The following IL1RAPL1 variants were observed in gnomAD, a reference collection of about 807,000 sequenced individuals.
The protein encoded by IL1RAPL1 is interleukin-1 receptor accessory protein-like 1.
A neutral mutation model predicts 48.4 loss-of-function variants in IL1RAPL1; 3 were observed. That is an observed-to-expected ratio of 0.06 (90% CI 0.03 to 0.16). The LOEUF (loss-of-function observed/expected upper bound fraction) is 0.16. IL1RAPL1 is among the 10% of genes least tolerant of loss of function. The pLI, the probability that IL1RAPL1 is intolerant of heterozygous loss-of-function variation, is 1.00. For missense variants in IL1RAPL1, 349 were observed against 530.6 expected, an observed-to-expected ratio of 0.66 and a Z score of 3.36; for synonymous variants, 185 against 187.7, an observed-to-expected ratio of 0.99 and a Z score of 0.12.
At chrX:29,603,878 T>C (rs1923804241) in intron 5 of IL1RAPL1, among the ~76,000 whole-genome samples, 1 of 112,603 alleles carries the variant, frequency 8.9e-6, no homozygotes, top group East Asian at 2.7e-4. Context: ...TGATTTAATA[T>C]ATTCTAGGAA....
At chrX:29,149,376 A>G (rs1054934689) in intron 2 of IL1RAPL1, among the ~76,000 whole-genome samples, 3 of 111,388 alleles carry the variant, frequency 2.7e-5, no homozygotes, top group Admixed American at 1.9e-4. Flanking sequence ...TCAGGTGTCC[A>G]ATGACCTACC....
At chrX:28,886,906 C>G (rs761115518) in intron 2 of IL1RAPL1, among the ~76,000 whole-genome samples, 4 of 111,403 alleles carry the variant, frequency 3.6e-5, no homozygotes, top group Admixed American at 1.9e-4. Context: ...AATAACAAAG[C>G]TCATGGGACA....
At chrX:29,020,499 A>G (rs1226970238) in intron 2 of IL1RAPL1, among the ~76,000 whole-genome samples, 1 of 112,524 alleles carries the variant, frequency 8.9e-6, no homozygotes, top group Non-Finnish European at 1.9e-5. Flanking sequence ...GTAGTAGGCT[A>G]TGCCCTGTCG....
intron 2 of IL1RAPL1, among the ~76,000 whole-genome samples, chrX:29,076,802 G>GTCTGTCTATCTATCTATCTATCTA (rs568595100): frequency 0.011 from 1,057 of 97,234 alleles, 13 homozygotes; most frequent in South Asian, 0.028. Context: ...CTGTCTGTCT[G>GTCTGTCTATCTATCTATCTATCTA]TCTATCTATC....
intron 1 of IL1RAPL1, among the ~76,000 whole-genome samples, chrX:28,766,546 A>T (rs1008527908): frequency 9.0e-6 from 1 of 111,371 alleles, no homozygotes; most frequent in South Asian, 3.8e-4. Flanking sequence ...AAAATAATCC[A>T]ATTACACTCT....
chrX:29,516,113 A>G (rs902387203), intron 5 of IL1RAPL1, among the ~76,000 whole-genome samples: 1 of 112,259 alleles, frequency 8.9e-6, no homozygotes, highest in Admixed American at 9.5e-5. Context: ...AGAAAGTATA[A>G]CAAAGATCTC....
chrX:28,678,404 A>G (rs1935023395), intron 1 of IL1RAPL1, among the ~76,000 whole-genome samples: 1 of 111,290 alleles, frequency 9.0e-6, no homozygotes, highest in Non-Finnish European at 1.9e-5. Context: ...CAAGCACATA[A>G]TTACATAAGC....
chrX:29,508,820 C>T (rs369368351), intron 5 of IL1RAPL1, among the ~76,000 whole-genome samples: 1 of 112,082 alleles, frequency 8.9e-6, no homozygotes, highest in East Asian at 2.8e-4. Context: ...TTTCTAGGTA[C>T]AGTCTTGCCT....
chrX:29,335,282 GA>G (rs1214831296), intron 3 of IL1RAPL1, among the ~76,000 whole-genome samples: 211 of 2,781 alleles, frequency 0.076, 36 homozygotes, highest in Non-Finnish European at 0.46. Flanking sequence ...ACGGAGAGGG[GA>G]GAGGGGAGAG....
intron 2 of IL1RAPL1, among the ~76,000 whole-genome samples, chrX:28,854,511 G>A (rs1466485879): frequency 9.0e-6 from 1 of 111,457 alleles, no homozygotes; most frequent in African/African-American, 3.3e-5. Context: ...CCTGTGGGAT[G>A]TCTAGGCATA....
intron 2 of IL1RAPL1, among the ~76,000 whole-genome samples, chrX:29,158,897 T>C (rs868287659): frequency 1.1e-5 from 1 of 91,754 alleles, no homozygotes; most frequent in East Asian, 3.4e-4. Flanking sequence ...TTTCTTTTCT[T>C]TTTTCTTTTC....
intron 2 of IL1RAPL1, among the ~76,000 whole-genome samples, chrX:29,145,986 T>G (rs1929342788): frequency 9.0e-6 from 1 of 111,642 alleles, no homozygotes; most frequent in Admixed American, 9.6e-5. Flanking sequence ...TCCCATCAAT[T>G]CACTCTTAAC....
In IL1RAPL1 at chrX:29,955,907, TAAA is replaced by T. The variant is rs1465983819; in HGVS notation, c.*91_*93del. 1.4e-6 allele frequency: 1 copy of T among 710,011 alleles called. No individual in the cohort carries two copies. Among genetic ancestry groups the T allele is most frequent in the African/African-American group, 2.1e-5 (1 of 47,416 alleles). The allele number at this position is 710,011 out of a possible 1,213,427, so 58.5% of individuals were successfully genotyped here. ...GAACTAAATCCTCGACTGCTGCTGT[TAAA>T]AAACATGCATTAGAATCTCTAGAAC... On this transcript the variant is annotated 3_prime_UTR_variant, in exon 11 of 11. Coordinates refer to ENST00000378993, the MANE Select transcript of IL1RAPL1 (RefSeq NM_014271.4).
At chrX:29,039,960 C>T (rs1926811049) in intron 2 of IL1RAPL1, among the ~76,000 whole-genome samples, 1 of 110,773 alleles carries the variant, frequency 9.0e-6, no homozygotes, top group Admixed American at 9.6e-5. Context: ...CCTAATTGTA[C>T]AACAAAATCA....
At position 28,763,781 on chromosome X, in the gene IL1RAPL1, C is replaced by CT. The variant is rs914105344; in HGVS notation, c.-24-25532dup. Among the ~76,000 whole-genome samples, 9 of 110,094 alleles carry CT rather than the reference C, an allele frequency of 8.2e-5. No individual in the cohort carries two copies. In the Middle Eastern group the frequency reaches 0.014, roughly 171 times the overall value. On this transcript the variant is annotated intron_variant, in intron 1 of 10. Coordinates refer to ENST00000378993, the MANE Select transcript of IL1RAPL1 (RefSeq NM_014271.4). ...ATTCTAGTGGTAAGAGTTAGATTTT[C>CT]TTTTTTTGTATGCCATGGACTCCAA...
At chrX:28,709,698 G>C (rs901446789) in intron 1 of IL1RAPL1, among the ~76,000 whole-genome samples, 1 of 111,053 alleles carries the variant, frequency 9.0e-6, no homozygotes, top group Non-Finnish European at 1.9e-5. Context: ...CACAATATGC[G>C]TGTATATGTG....
chrX:29,529,761 T>A (rs2147777678), intron 5 of IL1RAPL1, among the ~76,000 whole-genome samples: 1 of 111,037 alleles, frequency 9.0e-6, no homozygotes, highest in South Asian at 3.8e-4. Context: ...GAATATAATA[T>A]GTACAACATA....
chrX:29,303,115 G>A (rs970713409), intron 3 of IL1RAPL1, among the ~76,000 whole-genome samples: 4 of 111,492 alleles, frequency 3.6e-5, no homozygotes, highest in African/African-American at 9.8e-5. Context: ...TTGGTCTCAG[G>A]GCCAGACAAA....
In IL1RAPL1 at chrX:28,697,081, A is replaced by G. The variant is rs181954408; in HGVS notation, c.-24-92239A>G. On this transcript the variant is annotated intron_variant, in intron 1 of 10. Coordinates refer to ENST00000378993, the MANE Select transcript of IL1RAPL1 (RefSeq NM_014271.4). ...TATATGCGGACATTTCACATGTTGTAGATTGATCAGTTGTTGTTACTTTTA... is the reference window on the plus strand; with the variant it reads ...TATATGCGGACATTTCACATGTTGTGGATTGATCAGTTGTTGTTACTTTTA... Among the ~76,000 whole-genome samples, 234 of 111,686 alleles carry G rather than the reference A, an allele frequency of 2.1e-3. 1 individual carries two copies. The highest frequency in any genetic ancestry group is 3.3e-3 in the Non-Finnish European group (173 of 52,963).
Sources: allele counts gnomAD v4.1 joint callset (sites outside exome capture counted in the v4.1 genomes callset), GRCh38; gene constraint gnomAD v4.1.1; transcripts MANE v1.5; gene names NCBI Gene and HGNC (gene_info 2026-07-23, HGNC 2026-07-21).